Variants in TMEM132B observed in about 807,000 individuals in gnomAD.
TMEM132B encodes the protein transmembrane protein 132B.
TMEM132B carries 18 observed loss-of-function variants against 90.8 expected under a neutral mutation model. The observed-to-expected ratio is 0.20, with a 90% CI of 0.14 to 0.29. The LOEUF is 0.29. TMEM132B is among the 10% of genes least tolerant of loss of function. The probability of loss-of-function intolerance (pLI) is 1.00; values close to 1 mark genes in which losing one functional copy is unlikely to be tolerated. For synonymous variants in TMEM132B, 504 were observed against 523.3 expected (o/e 0.96, Z 0.50); for missense variants, 1,096 against 1,326.8 (o/e 0.83, Z 2.70).
intron 4 of TMEM132B, among the ~76,000 whole-genome samples, chr12:125,553,450 TG>T (rs974080739): frequency 2.6e-5 from 4 of 152,286 alleles, no homozygotes; most frequent in East Asian, 1.9e-4. Flanking sequence ...CAGGCCTGTC[TG>T]GGGTGTTAGG....
chr12:125,515,615 T>C (rs1198804579), intron 3 of TMEM132B, among the ~76,000 whole-genome samples: 1 of 148,304 alleles, frequency 6.7e-6, no homozygotes, highest in East Asian at 2.1e-4. Context: ...ACAACACATA[T>C]TCACACATTT....
At chr12:125,358,433 C>T (rs1877856020) in intron 2 of TMEM132B, among the ~76,000 whole-genome samples, 1 of 152,098 alleles carries the variant, frequency 6.6e-6, no homozygotes, top group Non-Finnish European at 1.5e-5. Context: ...TGCCAGCTGT[C>T]CCACTGGTAT....
intron 1 of TMEM132B, among the ~76,000 whole-genome samples, chr12:125,267,129 A>G (rs751432026): frequency 2.6e-5 from 4 of 152,072 alleles, no homozygotes; most frequent in Non-Finnish European, 5.9e-5. Context: ...CTCAGAAAAG[A>G]CCGTTTTTTC....
Position 125,652,470 on chromosome 12 carries a change from G to A in TMEM132B, c.1944G>A (p.Leu648=), listed in dbSNP as rs375819908. 3 of 1,610,816 alleles carry A rather than the reference G, an allele frequency of 1.9e-6. No individual in the cohort carries two copies. The highest frequency in any genetic ancestry group is 2.5e-6 in the Non-Finnish European group (3 of 1,178,274). The stretch of plus-strand genomic sequence containing the variant: ...TCTCGCCGTTGTCTGACTCCATCCT[G>A]GCTGAGAAGACGGTGATTGTCCTGG... ...QVLSPLSDSI[L]AEKTVIVLDD... is the part of the protein sequence containing the mutation. The change falls in exon 8 of 9, where the codon CTG becomes CTA. Residue 648 remains leucine, a synonymous_variant. Coordinates refer to ENST00000682704, the MANE Select transcript of TMEM132B (RefSeq NM_001366854.1).
At chr12:125,273,108 C>T (rs12296638) in intron 1 of TMEM132B, among the ~76,000 whole-genome samples, 9,487 of 152,094 alleles carry the variant, frequency 0.062, 1,007 homozygotes, top group African/African-American at 0.22. Flanking sequence ...AATGAATAGC[C>T]ATGTACCTAC....
chr12:125,506,509 C>A (rs1882850338), intron 3 of TMEM132B, among the ~76,000 whole-genome samples: 2 of 151,810 alleles, frequency 1.3e-5, no homozygotes, highest in Admixed American at 1.3e-4. Context: ...GATTTTATCC[C>A]ATGTAAATTA....
Position 125,498,390 on chromosome 12 carries a change from C to G in TMEM132B, c.1107-21049C>G, listed in dbSNP as rs1882612618. ...AGGGTGTGGAGAAAATCACACACAGCATCCTTTGCTGCCCCCTTCACTTGC... is the reference window on the plus strand; with the variant it reads ...AGGGTGTGGAGAAAATCACACACAGGATCCTTTGCTGCCCCCTTCACTTGC... On this transcript the variant is annotated intron_variant, in intron 3 of 8. Coordinates refer to ENST00000682704, the MANE Select transcript of TMEM132B (RefSeq NM_001366854.1). The surrounding 1 kb of genome is among the most constrained non-coding windows in gnomAD (Gnocchi z 4.5). Among the ~76,000 whole-genome samples, 2 of 152,202 alleles carry G rather than the reference C, an allele frequency of 1.3e-5. No homozygotes were observed. Among genetic ancestry groups the G allele is most frequent in the African/African-American group, 4.8e-5 (2 of 41,456 alleles).
intron 3 of TMEM132B, among the ~76,000 whole-genome samples, chr12:125,428,756 T>C (rs1264449726): frequency 6.6e-6 from 1 of 152,246 alleles, no homozygotes; most frequent in African/African-American, 2.4e-5. Context: ...CTGTGTCTTT[T>C]GAAATGACAT....
At chr12:125,622,568 T>G in intron 5 of TMEM132B, 1 of 985,488 alleles carries the variant, frequency 1.0e-6, no homozygotes, top group Non-Finnish European at 1.2e-6. Context: ...CCTCGGTGAC[T>G]TGCTCAGCCT....
At chr12:125,299,707 A>C (rs1875769491) in intron 1 of TMEM132B, among the ~76,000 whole-genome samples, 1 of 152,162 alleles carries the variant, frequency 6.6e-6, no homozygotes, top group South Asian at 2.1e-4. Context: ...CGTCAGTGTC[A>C]GTGTTCACAT....
At chr12:125,528,138 C>CTTT (rs111972959) in intron 4 of TMEM132B, among the ~76,000 whole-genome samples, 6,193 of 147,504 alleles carry the variant, frequency 0.042, 415 homozygotes, top group African/African-American at 0.14. Context: ...GTGTCTATTT[C>CTTT]TTTTTTTTTT....
intron 1 of TMEM132B, among the ~76,000 whole-genome samples, chr12:125,236,684 C>A (rs2136087807): frequency 6.6e-6 from 1 of 152,358 alleles, no homozygotes; most frequent in African/African-American, 2.4e-5. Context: ...AGAAGCCCAT[C>A]CAGCCTGGCC....
intron 2 of TMEM132B, among the ~76,000 whole-genome samples, chr12:125,390,069 T>A (rs1162748737): frequency 6.6e-6 from 1 of 152,224 alleles, no homozygotes; most frequent in Non-Finnish European, 1.5e-5. Flanking sequence ...CCATGGTTAC[T>A]GCTGTCCTCA....
rs559659257 is a variant in TMEM132B at position 125,213,071 on chromosome 12, C to T, written c.67+26205C>T. On this transcript the variant is annotated intron_variant, in intron 1 of 8. Transcript: ENST00000682704. The surrounding 1 kb of genome is among the most constrained non-coding windows in gnomAD (Gnocchi z 4.2). ...CAAATGGAAGTCCCGTACCCACTAG[C>T]GGTCACTCCCTACTGCCTTCAACCC... 1.8e-4 allele frequency among the ~76,000 whole-genome samples: 28 copies of T among 152,314 alleles called. No homozygotes were observed. The highest frequency in any genetic ancestry group is 4.8e-4 in the African/African-American group (20 of 41,556).
At chr12:125,323,386 A>T (rs1188727729) in intron 1 of TMEM132B, among the ~76,000 whole-genome samples, 1 of 152,132 alleles carries the variant, frequency 6.6e-6, no homozygotes, top group Non-Finnish European at 1.5e-5. Flanking sequence ...CACTGAACTG[A>T]GATTGCATCA....
intron 5 of TMEM132B, among the ~76,000 whole-genome samples, chr12:125,589,481 C>CA (rs71095204): frequency 7.8e-4 from 57 of 73,132 alleles, no homozygotes; most frequent in African/African-American, 1.3e-3. Context: ...GACTCCGTCT[C>CA]AAAAAAAAAA....
chr12:125,247,555 G>A (rs1874230843), intron 1 of TMEM132B, among the ~76,000 whole-genome samples: 1 of 152,152 alleles, frequency 6.6e-6, no homozygotes. Flanking sequence ...GTTTAGGGGT[G>A]GCTGACATAT....
At chr12:125,481,337 G>A (rs1357647227) in intron 3 of TMEM132B, among the ~76,000 whole-genome samples, 1 of 152,184 alleles carries the variant, frequency 6.6e-6, no homozygotes, top group Non-Finnish European at 1.5e-5. Flanking sequence ...CAGATGGCAT[G>A]ACTGTATATT....
chr12:125,614,632 A>G (rs2136954698), intron 5 of TMEM132B, among the ~76,000 whole-genome samples: 1 of 152,234 alleles, frequency 6.6e-6, no homozygotes, highest in East Asian at 1.9e-4. Context: ...AAAACAACAA[A>G]TGCTGGCAAA....
Sources: allele counts gnomAD v4.1 joint callset (sites outside exome capture counted in the v4.1 genomes callset), GRCh38; gene constraint gnomAD v4.1.1; non-coding constraint Gnocchi (gnomAD v3.1); transcripts MANE v1.5; gene names NCBI Gene and HGNC (gene_info 2026-07-23, HGNC 2026-07-21).